The following MEGF11 variants were observed in gnomAD, a reference collection of about 807,000 sequenced individuals.
MEGF11 encodes multiple epidermal growth factor-like domains protein 11.
A neutral mutation model predicts 146.6 loss-of-function variants in MEGF11; 126 were observed. The ratio of observed to expected loss-of-function variants is 0.86; its 90% confidence interval spans 0.74 to 1.00. The LOEUF (loss-of-function observed/expected upper bound fraction) is 1.00, where lower values mean the gene tolerates loss of function less well. Among genes scored for constraint, MEGF11 ranks in the 50% least tolerant of loss-of-function variants. MEGF11 has a pLI of 0.00. For missense variants in MEGF11, 1,509 were observed against 1,521.2 expected (o/e 0.99, Z 0.13); for synonymous variants, 532 against 583.4 (o/e 0.91, Z 1.27).
chr15:66,076,841 C>T (rs995317843), intron 5 of MEGF11, among the ~76,000 whole-genome samples: 2 of 152,140 alleles, frequency 1.3e-5, no homozygotes, highest in African/African-American at 2.4e-5. Flanking sequence ...CAAGGTAGCC[C>T]GCCATATGTT....
chr15:66,161,480 G>A (rs2089950775), intron 1 of MEGF11, among the ~76,000 whole-genome samples: 1 of 152,132 alleles, frequency 6.6e-6, no homozygotes, highest in South Asian at 2.1e-4. Flanking sequence ...CAACCTCCCA[G>A]GTTCAAGAGA....
At chr15:65,916,548 C>T (rs1048080685) in intron 17 of MEGF11, 28 of 659,320 alleles carry the variant, frequency 4.2e-5, no homozygotes, top group Non-Finnish European at 6.0e-5. Context: ...CCTCCCCACT[C>T]TGGGCCCCAC....
intron 10 of MEGF11, among the ~76,000 whole-genome samples, chr15:65,936,836 G>A (rs894020703): frequency 1.3e-5 from 2 of 152,160 alleles, no homozygotes; most frequent in African/African-American, 4.8e-5. Context: ...ATCACACACA[G>A]GCAACAGAAT....
At chr15:66,182,612 C>A (rs1335857709) in intron 1 of MEGF11, among the ~76,000 whole-genome samples, 2 of 152,168 alleles carry the variant, frequency 1.3e-5, no homozygotes, top group African/African-American at 4.8e-5. Context: ...TTCAGGAGCT[C>A]AAGGGGACAA....
intron 1 of MEGF11, among the ~76,000 whole-genome samples, chr15:66,247,006 A>G (rs1196723656): frequency 6.6e-5 from 10 of 152,146 alleles, no homozygotes. Flanking sequence ...GATTGTAGAG[A>G]TAAGATTTTT....
intron 5 of MEGF11, among the ~76,000 whole-genome samples, chr15:66,045,461 G>A (rs1316303004): frequency 1.3e-5 from 2 of 152,184 alleles, no homozygotes; most frequent in East Asian, 3.9e-4. Context: ...GAATTGCCCT[G>A]GGCAGTGGTT....
intron 2 of MEGF11, among the ~76,000 whole-genome samples, chr15:66,127,219 G>A (rs561548910): frequency 7.1e-4 from 108 of 152,318 alleles, no homozygotes; most frequent in Middle Eastern, 3.4e-3. Context: ...TTCTCATCAC[G>A]GATCTTGTTT....
chr15:66,033,571 G>T (rs2083612204), intron 5 of MEGF11, among the ~76,000 whole-genome samples: 1 of 152,182 alleles, frequency 6.6e-6, no homozygotes, highest in African/African-American at 2.4e-5. Context: ...GGTCATGGTG[G>T]CCTCCATCTA....
At chr15:66,036,548 A>G (rs544722629) in intron 5 of MEGF11, among the ~76,000 whole-genome samples, 21 of 152,322 alleles carry the variant, frequency 1.4e-4, no homozygotes, top group African/African-American at 4.6e-4. Flanking sequence ...TGCACTGAGC[A>G]TTCCCATCCA....
intron 1 of MEGF11, among the ~76,000 whole-genome samples, chr15:66,177,698 T>A (rs563163202): frequency 1.3e-5 from 2 of 150,542 alleles, no homozygotes; most frequent in African/African-American, 5.0e-5. Flanking sequence ...TTTTTTTTTT[T>A]CTTTGAGACA....
rs185817714 is a variant in MEGF11 at position 65,903,238 on chromosome 15, G to T, written c.3055+2847C>A. 2.2e-3 allele frequency among the ~76,000 whole-genome samples: 334 copies of T among 152,360 alleles called. 3 individuals are homozygous for T. The highest frequency in any genetic ancestry group is 7.9e-3 in the African/African-American group (330 of 41,578). ...GGGAACGAGCACACAGGTGGGGAAAGTGGCAGCAACAGTGGGCTCAAGGAT... is the reference window on the plus strand; with the variant it reads ...GGGAACGAGCACACAGGTGGGGAAATTGGCAGCAACAGTGGGCTCAAGGAT... On this transcript the variant is annotated intron_variant, in intron 24 of 25. Transcript: ENST00000395614.
chr15:65,983,564 C>A (rs937028547), intron 5 of MEGF11, among the ~76,000 whole-genome samples: 25 of 152,202 alleles, frequency 1.6e-4, no homozygotes, highest in African/African-American at 5.5e-4. Context: ...GCTAAGGAGA[C>A]CAGGCAAGGC....
At chr15:66,025,942 G>C (rs1449348115) in intron 5 of MEGF11, among the ~76,000 whole-genome samples, 1 of 152,216 alleles carries the variant, frequency 6.6e-6, no homozygotes, top group African/African-American at 2.4e-5. Context: ...GAAAAGGGCA[G>C]GGCAGTCAGG....
chr15:66,238,426 G>A (rs1456820353), intron 1 of MEGF11, among the ~76,000 whole-genome samples: 11 of 152,194 alleles, frequency 7.2e-5, no homozygotes, highest in Admixed American at 7.2e-4. Flanking sequence ...TCAATGAGGA[G>A]ACAGGGAAGG....
chr15:66,087,785 T>A (rs2086169050), intron 5 of MEGF11, among the ~76,000 whole-genome samples: 1 of 150,634 alleles, frequency 6.6e-6, no homozygotes, highest in African/African-American at 2.4e-5. Flanking sequence ...ACAAACCAAA[T>A]CCAAAACCAG....
At chr15:65,969,084 T>C (rs1461090548) in intron 8 of MEGF11, among the ~76,000 whole-genome samples, 1 of 152,214 alleles carries the variant, frequency 6.6e-6, no homozygotes, top group Non-Finnish European at 1.5e-5. Context: ...GGGGTTCCTC[T>C]CTGCCCAGGA....
chr15:66,106,980 GGGACCTCCA>G (rs2087113074), intron 4 of MEGF11, among the ~76,000 whole-genome samples: 1 of 152,072 alleles, frequency 6.6e-6, no homozygotes, highest in Non-Finnish European at 1.5e-5. Context: ...AGCCACACAG[GGGACCTCCA>G]GGACCTATTC....
At chr15:65,910,581 AG>A (rs1301168314) in intron 21 of MEGF11, among the ~76,000 whole-genome samples, 3 of 152,046 alleles carry the variant, frequency 2.0e-5, no homozygotes, top group Non-Finnish European at 4.4e-5. Flanking sequence ...GGTGACCCAG[AG>A]GGTCACCAAG....
chr15:65,899,038 G>GCTT, intron 24 of MEGF11, 104 bp from the exon 25 acceptor site: 2 of 1,125,114 alleles, frequency 1.8e-6, no homozygotes, highest in Non-Finnish European at 2.5e-6. Context: ...GGATCTTAGA[G>GCTT]CTGGAAAAGC....
Sources: allele counts gnomAD v4.1 joint callset (sites outside exome capture counted in the v4.1 genomes callset), GRCh38; gene constraint gnomAD v4.1.1; transcripts MANE v1.5; gene names NCBI Gene and HGNC (gene_info 2026-07-23, HGNC 2026-07-21).